The following PUM2 variants were observed in gnomAD, a reference collection of about 807,000 sequenced individuals.
The protein encoded by PUM2 is pumilio RNA binding family member 2, also known as pumilio homolog 2.
A neutral mutation model predicts 124.5 loss-of-function variants in PUM2; 57 were observed. The observed-to-expected ratio is 0.46, with a 90% CI of 0.37 to 0.57. The LOEUF (loss-of-function observed/expected upper bound fraction) is 0.57. Ranked by LOEUF, PUM2 falls within the 20% of genes least tolerant of loss-of-function variation. PUM2 has a pLI of 0.00. For synonymous variants in PUM2, 460 were observed against 446.1 expected (o/e 1.03, Z -0.39); for missense variants, 1,065 against 1,290.6 (o/e 0.83, Z 2.68).
intron 10 of PUM2, among the ~76,000 whole-genome samples, chr2:20,290,047 T>C (rs1673640179): frequency 6.6e-6 from 1 of 152,318 alleles, no homozygotes; most frequent in Admixed American, 6.5e-5. Context: ...TCCTCCATTA[T>C]TATTAGTGAT....
Position 20,297,254 on chromosome 2 carries a change from G to A in PUM2, c.1009+299C>T, listed in dbSNP as rs754730771. On this transcript the variant is annotated intron_variant, in intron 8 of 20. Transcript: ENST00000361078. ...TAATTTTACTTTGCATTGTCTCTGC[G>A]GGTAATGGGGTTTGTCATTAAAATG... Among the ~76,000 whole-genome samples the A allele has an allele frequency of 2.0e-5, 3 of 152,142 alleles. 1 individual carries two copies. The highest frequency in any genetic ancestry group is 4.2e-4 in the South Asian group (2 of 4,810).
intron 9 of PUM2, among the ~76,000 whole-genome samples, chr2:20,292,951 C>A (rs1674572911): frequency 6.6e-6 from 1 of 151,916 alleles, no homozygotes; most frequent in South Asian, 2.1e-4. Flanking sequence ...CAAAACAAAA[C>A]AAAACAACAC....
intron 1 of PUM2, among the ~76,000 whole-genome samples, chr2:20,332,431 C>T (rs1218260984): frequency 4.6e-5 from 7 of 150,764 alleles, no homozygotes; most frequent in Admixed American, 2.6e-4. Context: ...AACCCACCCC[C>T]ATCAGCACAA....
intron 2 of PUM2, among the ~76,000 whole-genome samples, chr2:20,325,245 A>G (rs1683385809): frequency 6.6e-6 from 1 of 152,200 alleles, no homozygotes; most frequent in African/African-American, 2.4e-5. Context: ...TTAAGAAATA[A>G]ACTAATGAGA....
chr2:20,322,195 T>C (rs948831899), intron 2 of PUM2, among the ~76,000 whole-genome samples: 9 of 152,132 alleles, frequency 5.9e-5, no homozygotes, highest in African/African-American at 4.8e-5. Flanking sequence ...TTAATAATCA[T>C]GCCATGAGAA....
At chr2:20,350,313 C>T (rs1224530522) in intron 1 of PUM2, 3 of 297,124 alleles carry the variant, frequency 1.0e-5, no homozygotes, top group Non-Finnish European at 1.5e-5. Context: ...GAGGGAGAAC[C>T]GGGTCGGCGC....
chr2:20,264,650 C>T (rs867301315), intron 13 of PUM2, among the ~76,000 whole-genome samples: 1 of 151,830 alleles, frequency 6.6e-6, no homozygotes, highest in Non-Finnish European at 1.5e-5. Context: ...GTAAAATACA[C>T]ATTAGTAGAG....
intron 1 of PUM2, among the ~76,000 whole-genome samples, chr2:20,343,056 C>G (rs1687527303): frequency 6.6e-6 from 1 of 152,070 alleles, no homozygotes; most frequent in Non-Finnish European, 1.5e-5. Flanking sequence ...TCAAGCAATC[C>G]TCCTGCCTCA....
chr2:20,332,039 TC>T lies in PUM2; in HGVS notation c.-18-4662del, dbSNP rs1358188888. ...GTGGTTTTCATGTATCACAAATTAT[TC>T]TTTTAAAATTTTTTCCAACAATCAA... On this transcript the variant is annotated intron_variant, in intron 1 of 20. Coordinates refer to ENST00000361078, the MANE Select transcript of PUM2 (RefSeq NM_015317.5). The T allele has an allele frequency of 2.0e-5, 3 of 152,248 alleles. No individual in the cohort carries two copies. In the East Asian group the frequency reaches 5.8e-4, roughly 29 times the overall value. 9.4% of individuals were successfully genotyped at this position (152,248 alleles called of 1,614,324 possible).
intron 1 of PUM2, among the ~76,000 whole-genome samples, chr2:20,345,063 C>CTT (rs1687978431): frequency 6.7e-6 from 1 of 150,138 alleles, no homozygotes; most frequent in Non-Finnish European, 1.5e-5. Context: ...GCAGTCTCTA[C>CTT]CTACATGTGT....
Position 20,257,043 on chromosome 2 carries a change from C to CAAAA in PUM2, c.2485-877_2485-874dup, listed in dbSNP as rs58072146. ...TGGGCGACACAGCAAGATTCCGTCT[C>CAAAA]AAAAAAAAAAAAAAAAAAAAAAAAA... is the stretch of plus-strand genomic sequence containing the variant. On this transcript the variant is annotated intron_variant, in intron 16 of 20. Coordinates refer to ENST00000361078, the MANE Select transcript of PUM2 (RefSeq NM_015317.5). Among the ~76,000 whole-genome samples the CAAAA allele has an allele frequency of 4.9e-3, 351 of 71,790 alleles. 5 individuals carry two copies. Among genetic ancestry groups the CAAAA allele is most frequent in the Non-Finnish European group, 5.8e-3 (234 of 40,488 alleles). The allele number at this position is 71,790 out of a possible 152,430, so 47.1% of individuals were successfully genotyped here.
chr2:20,326,425 G>A (rs770085867), intron 2 of PUM2: 9 of 1,303,646 alleles, frequency 6.9e-6, no homozygotes, highest in African/African-American at 1.5e-5. Context: ...TCTCATGAAG[G>A]TCTCTATTCT....
chr2:20,278,902 A>G, intron 12 of PUM2, 83 bp from the exon 13 acceptor site: 1 of 935,798 alleles, frequency 1.1e-6, no homozygotes, highest in Non-Finnish European at 1.7e-6. Context: ...GGGCAATAAC[A>G]GAAGTGATCA....
At chr2:20,294,327 A>C (rs764667949) in intron 9 of PUM2, 49 bp downstream of exon 9, 87 of 1,590,522 alleles carry the variant, frequency 5.5e-5, no homozygotes, top group Non-Finnish European at 7.4e-5. Flanking sequence ...TTAGGAGCTC[A>C]AAGAATTTCA....
rs1681561827 is a variant in PUM2, at chr2:20,318,633, T to C, written c.64A>G (p.Lys22Glu). The change falls in exon 3 of 21, where the codon AAA (lysine) becomes GAA (glutamate). Residue 22 changes from lysine to glutamate, a missense_variant. This residue lies in a region of PUM2 where 90 missense variants were observed against 103.6 expected (regional missense o/e 0.87). Transcript: ENST00000361078. Reference protein sequence around the residue: ...SRGMGELLPTKKFWEPDDSTK... With the variant: ...SRGMGELLPTEKFWEPDDSTK... Reference sequence around the variant, plus strand: ...GAATCATCAGGTTCCCAAAACTTTTTGGTAGGCAAAAGCTATTTGGAGGAA... The same window carrying C: ...GAATCATCAGGTTCCCAAAACTTTTCGGTAGGCAAAAGCTATTTGGAGGAA... The C allele has an allele frequency of 6.2e-7, 1 of 1,612,716 alleles. No individual in the cohort carries two copies. The highest frequency in any genetic ancestry group is 8.5e-7 in the Non-Finnish European group (1 of 1,179,486).
chr2:20,294,784 A>G (rs1452518618), intron 8 of PUM2, among the ~76,000 whole-genome samples: 1 of 152,216 alleles, frequency 6.6e-6, no homozygotes, highest in East Asian at 1.9e-4. Context: ...ATGAATGCCA[A>G]TTTTTGGGTC....
At chr2:20,271,505 G>C (rs1488743692) in intron 13 of PUM2, among the ~76,000 whole-genome samples, 1 of 151,962 alleles carries the variant, frequency 6.6e-6, no homozygotes, top group Admixed American at 6.6e-5. Flanking sequence ...ATAGAGACGG[G>C]GTTTCGCCAC....
At chr2:20,309,095 T>C (rs1320853016) in intron 5 of PUM2, among the ~76,000 whole-genome samples, 1 of 152,190 alleles carries the variant, frequency 6.6e-6, no homozygotes, top group East Asian at 1.9e-4. Flanking sequence ...GTCTTCATTA[T>C]TTAAGGGGCC....
chr2:20,301,161 G>C (rs1676882693), intron 7 of PUM2, among the ~76,000 whole-genome samples: 2 of 152,164 alleles, frequency 1.3e-5, no homozygotes, highest in Non-Finnish European at 2.9e-5. Flanking sequence ...ACCACCTTGG[G>C]CACATGTTGT....
Sources: allele counts gnomAD v4.1 joint callset (sites outside exome capture counted in the v4.1 genomes callset), GRCh38; gene constraint gnomAD v4.1.1; regional missense constraint gnomAD v4.1.1; transcripts MANE v1.5; gene names NCBI Gene and HGNC (gene_info 2026-07-23, HGNC 2026-07-21).